DKK2: variants seen among roughly 807,000 people sequenced by gnomAD.
DKK2 encodes dickkopf Wnt signaling pathway inhibitor 2.
A neutral mutation model predicts 28.1 loss-of-function variants in DKK2; 11 were observed. That is an observed-to-expected ratio of 0.39 (90% CI 0.25 to 0.65). The LOEUF is 0.65. Ranked by LOEUF, DKK2 falls within the 30% of genes least tolerant of loss-of-function variation. The pLI, the probability that DKK2 is intolerant of heterozygous loss-of-function variation, is 0.47. For synonymous variants in DKK2, 135 were observed against 126.5 expected, an observed-to-expected ratio of 1.07 and a Z score of -0.45; for missense variants, 326 against 335.5, an observed-to-expected ratio of 0.97 and a Z score of 0.22.
chr4:106,951,757 A>T (rs1435713158), intron 1 of DKK2, among the ~76,000 whole-genome samples: 1 of 152,160 alleles, frequency 6.6e-6, no homozygotes, highest in Non-Finnish European at 1.5e-5. Flanking sequence ...GTATGCAAAA[A>T]TGTTAATAGC....
At chr4:107,028,102 C>T (rs1439312583) in intron 1 of DKK2, among the ~76,000 whole-genome samples, 2 of 152,164 alleles carry the variant, frequency 1.3e-5, no homozygotes, top group African/African-American at 2.4e-5. Context: ...GCTCTTTCCA[C>T]AATTCCACTA....
At chr4:106,938,242 A>G (rs1428893380) in intron 1 of DKK2, among the ~76,000 whole-genome samples, 3 of 142,182 alleles carry the variant, frequency 2.1e-5, no homozygotes. Context: ...AAAGAAAAAA[A>G]GAGAGAAGAA....
At chr4:106,998,073 A>C (rs1005657623) in intron 1 of DKK2, among the ~76,000 whole-genome samples, 1 of 152,160 alleles carries the variant, frequency 6.6e-6, no homozygotes, top group African/African-American at 2.4e-5. Context: ...TATATGAAAC[A>C]CCCTTTTTGT....
chr4:106,936,445 T>C (rs1352916641), intron 1 of DKK2, among the ~76,000 whole-genome samples: 1 of 152,138 alleles, frequency 6.6e-6, no homozygotes. Context: ...GAGCAAAGCC[T>C]CCAAGAAATA....
At chr4:106,940,247 T>C (rs1724673046) in intron 1 of DKK2, among the ~76,000 whole-genome samples, 2 of 152,130 alleles carry the variant, frequency 1.3e-5, no homozygotes, top group African/African-American at 2.4e-5. Flanking sequence ...TACAATGAAC[T>C]CAAACAAATT....
At chr4:107,029,483 A>G (rs1723844142) in intron 1 of DKK2, among the ~76,000 whole-genome samples, 1 of 152,174 alleles carries the variant, frequency 6.6e-6, no homozygotes, top group Non-Finnish European at 1.5e-5. Context: ...AACGCAATTG[A>G]CGATTTAGTT....
chr4:106,960,739 C>G (rs1370782655), intron 1 of DKK2, among the ~76,000 whole-genome samples: 1 of 151,986 alleles, frequency 6.6e-6, no homozygotes, highest in Non-Finnish European at 1.5e-5. Flanking sequence ...TAAATTTTCC[C>G]TTGCATTCAT....
chr4:106,944,672 T>C (rs548702643), intron 1 of DKK2, among the ~76,000 whole-genome samples: 1 of 152,222 alleles, frequency 6.6e-6, no homozygotes, highest in African/African-American at 2.4e-5. Flanking sequence ...CTAAGTTACA[T>C]GTTTACTACA....
chr4:106,969,202 AAACTTCTC>A (rs1722825722), intron 1 of DKK2, among the ~76,000 whole-genome samples: 1 of 151,600 alleles, frequency 6.6e-6, no homozygotes, highest in African/African-American at 2.4e-5. Context: ...GCTTTTGCTC[AAACTTCTC>A]GCCTCCAGTT....
At chr4:106,936,878 T>C (rs867003868) in intron 1 of DKK2, among the ~76,000 whole-genome samples, 9,104 of 149,772 alleles carry the variant, frequency 0.061, 288 homozygotes, top group Non-Finnish European at 0.073. Context: ...GCTTCATAAG[T>C]GAAGGAGAAA....
chr4:106,938,614 G>C (rs1724639094), intron 1 of DKK2, among the ~76,000 whole-genome samples: 1 of 152,074 alleles, frequency 6.6e-6, no homozygotes, highest in African/African-American at 2.4e-5. Context: ...CTTTTTATGA[G>C]GCCAGCATCA....
intron 1 of DKK2, among the ~76,000 whole-genome samples, chr4:106,948,117 C>G (rs1474233230): frequency 6.6e-6 from 1 of 152,096 alleles, no homozygotes; most frequent in Non-Finnish European, 1.5e-5. Context: ...GGTGAGGAAG[C>G]CTACTCCGAG....
chr4:107,001,175 A>C (rs1321198386), intron 1 of DKK2, among the ~76,000 whole-genome samples: 4 of 152,128 alleles, frequency 2.6e-5, no homozygotes, highest in Non-Finnish European at 5.9e-5. Flanking sequence ...CAGCATCACA[A>C]ATCTGTACAA....
At chr4:107,015,325 A>C (rs1723579124) in intron 1 of DKK2, among the ~76,000 whole-genome samples, 1 of 151,574 alleles carries the variant, frequency 6.6e-6, no homozygotes, top group Non-Finnish European at 1.5e-5. Context: ...GACCTATACA[A>C]ATACTTATTA....
chr4:106,991,013 T>C (rs1301074806), intron 1 of DKK2, among the ~76,000 whole-genome samples: 1 of 152,158 alleles, frequency 6.6e-6, no homozygotes, highest in Middle Eastern at 3.2e-3. Flanking sequence ...ATTTGTTAGA[T>C]GAAAAATTTT....
At chr4:106,939,786 G>C (rs979219447) in intron 1 of DKK2, among the ~76,000 whole-genome samples, 1 of 152,136 alleles carries the variant, frequency 6.6e-6, no homozygotes, top group African/African-American at 2.4e-5. Context: ...ACAGAACAGA[G>C]CCCTCAGAAA....
chr4:106,924,246 GAAA>G (rs763233866), intron 3 of DKK2, 42 bp from the exon 4 acceptor site: 1 of 1,414,318 alleles, frequency 7.1e-7, no homozygotes, highest in African/African-American at 1.5e-5. Flanking sequence ...TGACACTTCA[GAAA>G]AAAAAAATTC....
At chr4:107,011,690 A>AGTGTGTGTGT (rs112855833) in intron 1 of DKK2, among the ~76,000 whole-genome samples, 3 of 146,798 alleles carry the variant, frequency 2.0e-5, no homozygotes, top group Non-Finnish European at 4.6e-5. Flanking sequence ...TCTTTGTCTG[A>AGTGTGTGTGT]GTGTGTGTGT....
At chr4:107,000,901 A>G (rs1578373792) in intron 1 of DKK2, among the ~76,000 whole-genome samples, 1 of 152,146 alleles carries the variant, frequency 6.6e-6, no homozygotes, top group East Asian at 1.9e-4. Flanking sequence ...AATATCATCA[A>G]CTTCAAAATT....
Sources: gnomAD v4.1 joint callset for allele counts (sites outside exome capture counted in the v4.1 genomes callset) on GRCh38, gnomAD v4.1.1 for gene constraint, MANE v1.5 for transcripts, NCBI Gene and HGNC (gene_info 2026-07-23, HGNC 2026-07-21) for gene names.